The following CD58 variants were observed in gnomAD, a reference collection of about 807,000 sequenced individuals.
CD58 encodes lymphocyte function-associated antigen 3.
Under a neutral mutation model 27.6 loss-of-function variants are expected in CD58, and 14 were observed. The ratio of observed to expected loss-of-function variants is 0.51; its 90% CI spans 0.34 to 0.79. CD58 has a LOEUF of 0.79. Among genes scored for constraint, CD58 ranks in the 30% least tolerant of loss-of-function variants. The probability of loss-of-function intolerance (pLI) is 0.02; values close to 1 mark genes in which losing one functional copy is unlikely to be tolerated. For missense variants in CD58, 268 were observed against 301.7 expected (o/e 0.89, Z 0.83); for synonymous variants, 117 against 103.8 (o/e 1.13, Z -0.77).
At chr1:116,567,241 GGGGA>G (rs1658970291) in intron 1 of CD58, among the ~76,000 whole-genome samples, 1 of 126,712 alleles carries the variant, frequency 7.9e-6, no homozygotes. Context: ...GGGAAAGGGA[GGGGA>G]GGGGAGGGAG....
rs1657137794 is a variant in CD58 at position 116,517,901 on chromosome 1, C to A, written c.743+1330G>T. 6.6e-6 allele frequency among the ~76,000 whole-genome samples: 1 copy of A among 152,212 alleles called. No homozygotes were observed. The highest frequency in any genetic ancestry group is 1.5e-5 in the Non-Finnish European group (1 of 68,036). On this transcript the variant is annotated intron_variant, in intron 5 of 5. Coordinates refer to ENST00000369489, the MANE Select transcript of CD58 (RefSeq NM_001779.3). The surrounding 1 kb of genome is among the most constrained non-coding windows in gnomAD (Gnocchi z 6.5). ...AAAAATTCATAATTTTCCTTCCCAA[C>A]CAAGATTCCTGTGTGACTCCTCTGT...
intron 3 of CD58, among the ~76,000 whole-genome samples, chr1:116,529,486 A>G (rs1048748795): frequency 6.6e-6 from 1 of 152,220 alleles, no homozygotes; most frequent in Non-Finnish European, 1.5e-5. Flanking sequence ...TCCATCTCTG[A>G]GTCATCTTCT....
rs1428473906 is a variant in CD58, at chr1:116,570,928, G to T, written c.45C>A (p.Ser15Arg). The T allele has an allele frequency of 6.4e-7, 1 of 1,569,184 alleles. No individual in the cohort carries two copies. Among genetic ancestry groups the T allele is most frequent in the Non-Finnish European group, 8.6e-7 (1 of 1,163,276 alleles). ...SDAGRALGVL[S>R]VVCLLHCFGF... ...CAAAGCAGTGCAGCAGGCAGACCAC[G>T]CTGAGGACCCCCAGGGCCCGCCCCG... Residue 15 changes from serine (S) to arginine (R), a missense_variant, in exon 1 of 6, where the codon AGC becomes AGA. Physicochemically the swap from Ser to Arg is moderately radical, Grantham distance 110. Transcript: ENST00000369489. The surrounding 1 kb of genome is among the most constrained non-coding windows in gnomAD (Gnocchi z 6.4).
chr1:116,520,669 C>T (rs552283344), intron 4 of CD58, among the ~76,000 whole-genome samples: 1 of 152,214 alleles, frequency 6.6e-6, no homozygotes, highest in African/African-American at 2.4e-5. Flanking sequence ...CCAACCTGTT[C>T]AGGAGATGAT....
In CD58 at chr1:116,522,347, A is replaced by G. The variant is rs766970999; in HGVS notation, c.629-364T>C. 9.2e-5 allele frequency among the ~76,000 whole-genome samples: 14 copies of G among 152,192 alleles called. No homozygotes were observed. The highest frequency in any genetic ancestry group is 1.8e-4 in the Non-Finnish European group (12 of 68,036). Reference sequence around the variant, plus strand: ...CAAAGTATAGTGTTGAAGGGCTGACAAGAGTTCCTAAGTGCAAGAAGGCTG... The same window carrying G: ...CAAAGTATAGTGTTGAAGGGCTGACGAGAGTTCCTAAGTGCAAGAAGGCTG... On this transcript the variant is annotated intron_variant, in intron 3 of 5. Coordinates refer to ENST00000369489, the MANE Select transcript of CD58 (RefSeq NM_001779.3). This position sits in a 1 kb window ranked among gnomAD's most constrained non-coding sequence, Gnocchi z 4.6.
rs1031361899 is a variant in CD58 at position 116,563,911 on chromosome 1, G to A, written c.70+6992C>T. 6.6e-6 allele frequency among the ~76,000 whole-genome samples: 1 copy of A among 152,220 alleles called. No homozygotes were observed. Among genetic ancestry groups the A allele is most frequent in the African/African-American group, 2.4e-5 (1 of 41,456 alleles). On this transcript the variant is annotated intron_variant, in intron 1 of 5. Transcript: ENST00000369489. The surrounding 1 kb of genome is among the most constrained non-coding windows in gnomAD (Gnocchi z 4.1). ...TCCTCATTACTTAATGCAAATTTCT[G>A]CAGCTGGCTTGAATTTTTCCTCAGA...
At chr1:116,529,433 G>A (rs1439890929) in intron 3 of CD58, among the ~76,000 whole-genome samples, 3 of 152,112 alleles carry the variant, frequency 2.0e-5, no homozygotes, top group Non-Finnish European at 2.9e-5. Flanking sequence ...ATTTTCAAAC[G>A]GTTAACCAAT....
Position 116,550,960 on chromosome 1 carries a change from C to CT in CD58, c.71-6357dup, listed in dbSNP as rs1012468362. ...CAAGCAATAATATACTGAAATGAAT[C>CT]TTTTTTTTCTAAGCAGTAAGTATTA... On this transcript the variant is annotated intron_variant, in intron 1 of 5. Transcript: ENST00000369489. The surrounding 1 kb of genome is among the most constrained non-coding windows in gnomAD (Gnocchi z 4.2). 1.3e-5 allele frequency among the ~76,000 whole-genome samples: 2 copies of CT among 152,012 alleles called. No individual in the cohort carries two copies. The highest frequency in any genetic ancestry group is 6.6e-5 in the Admixed American group (1 of 15,258).
At chr1:116,533,735 T>C (rs946651257) in intron 3 of CD58, 25 of 700,028 alleles carry the variant, frequency 3.6e-5, no homozygotes, top group Admixed American at 5.8e-5. Flanking sequence ...TCTGATTCCA[T>C]ATCAGATGTT....
Position 116,536,059 on chromosome 1 carries a change from T to C in CD58, c.534A>G (p.Glu178=). The change falls in exon 3 of 6, where the codon GAA becomes GAG. Residue 178 remains glutamate, a synonymous_variant. Coordinates refer to ENST00000369489, the MANE Select transcript of CD58 (RefSeq NM_001779.3). The surrounding 1 kb of genome is among the most constrained non-coding windows in gnomAD (Gnocchi z 5.4). The part of the protein sequence containing the change: ...RNSTSIYFKM[E]NDLPQKIQCT... ...ACTGTATTTTTTGTGGAAGATCATT[T>C]TCCATCTTAAAATATATACTGGTTG... 1.9e-6 allele frequency: 3 copies of C among 1,613,362 alleles called. No individual in the cohort carries two copies. The highest frequency in any genetic ancestry group is 1.3e-5 in the African/African-American group (1 of 74,960).
At position 116,516,058 on chromosome 1, in the gene CD58, AT is replaced by A. The variant is rs1040927765; in HGVS notation, c.744-1237del. On this transcript the variant is annotated intron_variant, in intron 5 of 5. Coordinates refer to ENST00000369489, the MANE Select transcript of CD58 (RefSeq NM_001779.3). This position sits in a 1 kb window ranked among gnomAD's most constrained non-coding sequence, Gnocchi z 6.1. ...CCTTTTAACATTTTAATTTAACTTA[AT>A]TTTTTTGATGCCCAGGCTGGTCTCT... Among the ~76,000 whole-genome samples the A allele has an allele frequency of 3.9e-5, 6 of 151,986 alleles. No homozygotes were observed. Among genetic ancestry groups the A allele is most frequent in the South Asian group, 2.1e-4 (1 of 4,812 alleles).
rs550878058 is a variant in CD58, at chr1:116,531,419, T to A, written c.628+4546A>T. ...ATCTTCTTCCCCCTTGTCAGTTAGATGCAGCACACATATACCAAAAGGCAA... is the reference window on the plus strand; with the variant it reads ...ATCTTCTTCCCCCTTGTCAGTTAGAAGCAGCACACATATACCAAAAGGCAA... On this transcript the variant is annotated intron_variant, in intron 3 of 5. Coordinates refer to ENST00000369489, the MANE Select transcript of CD58 (RefSeq NM_001779.3). The surrounding 1 kb of genome is among the most constrained non-coding windows in gnomAD (Gnocchi z 4.5). Among the ~76,000 whole-genome samples, 1 of 152,366 alleles carries A rather than the reference T, an allele frequency of 6.6e-6. No individual in the cohort carries two copies. The highest frequency in any genetic ancestry group is 1.9e-4 in the East Asian group (1 of 5,190).
rs1223776887 is a variant in CD58, at chr1:116,548,662, G to C, written c.71-4058C>G. Among the ~76,000 whole-genome samples, 3 of 152,160 alleles carry C rather than the reference G, an allele frequency of 2.0e-5. No individual in the cohort carries two copies. In the East Asian group the frequency reaches 5.8e-4, roughly 29 times the overall value. On this transcript the variant is annotated intron_variant, in intron 1 of 5. Coordinates refer to ENST00000369489, the MANE Select transcript of CD58 (RefSeq NM_001779.3). ...TAGCAGTTAAGTTTTTGGGAGTCAA[G>C]AGTTATACATAAATTTTTGACTGCT...
At chr1:116,542,166 T>A (rs1168545026) in intron 2 of CD58, among the ~76,000 whole-genome samples, 2 of 152,142 alleles carry the variant, frequency 1.3e-5, no homozygotes, top group African/African-American at 2.4e-5. Context: ...TAATCTCAAC[T>A]GTTCAGGAGG....
rs1658598277 is a variant in CD58, at chr1:116,557,308, TA to T, written c.71-12705del. 6.6e-6 allele frequency among the ~76,000 whole-genome samples: 1 copy of T among 152,106 alleles called. No individual in the cohort carries two copies. Among genetic ancestry groups the T allele is most frequent in the Non-Finnish European group, 1.5e-5 (1 of 68,026 alleles). ...TGGAGAAAGAAGTTTAACTGGAGCTTAAAAATAAAATGGCTCAGGAGCCCTC... is the reference window on the plus strand; with the variant it reads ...TGGAGAAAGAAGTTTAACTGGAGCTTAAAATAAAATGGCTCAGGAGCCCTC... On this transcript the variant is annotated intron_variant, in intron 1 of 5. Transcript: ENST00000369489. This position sits in a 1 kb window ranked among gnomAD's most constrained non-coding sequence, Gnocchi z 5.2.
intron 1 of CD58, among the ~76,000 whole-genome samples, chr1:116,561,408 T>C (rs997220724): frequency 2.6e-5 from 4 of 152,276 alleles, no homozygotes; most frequent in African/African-American, 7.2e-5. Context: ...TATGATGTTA[T>C]TGAGATTATG....
At position 116,534,329 on chromosome 1, in the gene CD58, C is replaced by T. The variant is rs1288257745; in HGVS notation, c.628+1636G>A. On this transcript the variant is annotated intron_variant, in intron 3 of 5. Coordinates refer to ENST00000369489, the MANE Select transcript of CD58 (RefSeq NM_001779.3). The surrounding 1 kb of genome is among the most constrained non-coding windows in gnomAD (Gnocchi z 5.3). The stretch of plus-strand genomic sequence containing the variant: ...TGACCCCACAGATGCTCACGATGAC[C>T]ATCGCCCTACGGAAAAACTCAAATT... Among the ~76,000 whole-genome samples, 1 of 152,248 alleles carries T rather than the reference C, an allele frequency of 6.6e-6. No individual in the cohort carries two copies. The highest frequency in any genetic ancestry group is 2.4e-5 in the African/African-American group (1 of 41,470).
chr1:116,542,472 CT>C (rs1315316226), intron 2 of CD58, among the ~76,000 whole-genome samples: 4 of 152,076 alleles, frequency 2.6e-5, no homozygotes, highest in African/African-American at 4.8e-5. Context: ...AGATGAAAGC[CT>C]ATTTGGAGTG....
intron 1 of CD58, among the ~76,000 whole-genome samples, chr1:116,568,171 T>C (rs1334858490): frequency 6.6e-6 from 1 of 151,946 alleles, no homozygotes; most frequent in African/African-American, 2.4e-5. Flanking sequence ...CAGGAAACAG[T>C]ATTGTATCAA....
Sources: allele counts gnomAD v4.1 joint callset (sites outside exome capture counted in the v4.1 genomes callset), GRCh38; gene constraint gnomAD v4.1.1; non-coding constraint Gnocchi (gnomAD v3.1); transcripts MANE v1.5; gene names NCBI Gene and HGNC (gene_info 2026-07-23, HGNC 2026-07-21).